KCNQ5: variants seen among roughly 807,000 people sequenced by gnomAD.
The protein encoded by KCNQ5 is potassium voltage-gated channel subfamily Q member 5.
KCNQ5 carries 30 observed loss-of-function variants against 98.2 expected under a neutral mutation model. The observed-to-expected ratio is 0.31, with a 90% confidence interval of 0.23 to 0.41. KCNQ5 has a LOEUF of 0.41. Among genes scored for constraint, KCNQ5 ranks in the 10% least tolerant of loss-of-function variants. The pLI, the probability that KCNQ5 is intolerant of heterozygous loss-of-function variation, is 1.00. For synonymous variants in KCNQ5, 458 were observed against 449.4 expected (o/e 1.02, Z -0.24); for missense variants, 835 against 1,182.5 (o/e 0.71, Z 4.31).
chr6:72,907,871 A>T (rs949838930), intron 1 of KCNQ5, among the ~76,000 whole-genome samples: 6 of 152,088 alleles, frequency 3.9e-5, no homozygotes, highest in African/African-American at 1.4e-4. Context: ...CACTTAAAAG[A>T]TGTAATGTTC....
At chr6:72,653,286 C>G (rs961300639) in intron 1 of KCNQ5, among the ~76,000 whole-genome samples, 1 of 151,764 alleles carries the variant, frequency 6.6e-6, no homozygotes, top group African/African-American at 2.4e-5. Flanking sequence ...TCTTTCTTTC[C>G]TGAGTGCTTC....
chr6:73,190,526 A>G lies in KCNQ5; in HGVS notation c.1578-47A>G, dbSNP rs200575679. ...TACTGGTAAACTATTTTGGTAACTT[A>G]TATTAACAGAGTTATAAAGATTAAT... On this transcript the variant is annotated intron_variant, in intron 11 of 13. Transcript: ENST00000370398. 3.1e-4 allele frequency: 317 copies of G among 1,018,366 alleles called. No homozygotes were observed. The African/African-American group carries it at 4.5e-3, about 15-fold the overall frequency. The allele number at this position is 1,018,366 out of a possible 1,614,324, so 63.1% of individuals were successfully genotyped here. A position where few individuals can be genotyped will look rare whatever the true frequency, so the allele number is the denominator to read the frequency against.
At chr6:72,840,325 G>A (rs1776734308) in intron 1 of KCNQ5, among the ~76,000 whole-genome samples, 1 of 152,152 alleles carries the variant, frequency 6.6e-6, no homozygotes, top group African/African-American at 2.4e-5. Flanking sequence ...GTATTTTAAA[G>A]ATCCTCCATA....
At chr6:73,056,816 A>G (rs938882657) in intron 3 of KCNQ5, among the ~76,000 whole-genome samples, 2 of 152,220 alleles carry the variant, frequency 1.3e-5, no homozygotes, top group Non-Finnish European at 2.9e-5. Context: ...ATCATTAAAA[A>G]GTCAGGAAAC....
At chr6:72,633,757 A>G (rs892388776) in intron 1 of KCNQ5, among the ~76,000 whole-genome samples, 1 of 152,218 alleles carries the variant, frequency 6.6e-6, no homozygotes. Flanking sequence ...GATCTTCAAT[A>G]AGGCCAACAA....
chr6:72,904,685 AT>A (rs1401126752), intron 1 of KCNQ5, among the ~76,000 whole-genome samples: 1 of 152,204 alleles, frequency 6.6e-6, no homozygotes, highest in Non-Finnish European at 1.5e-5. Context: ...GAAGCTGAAG[AT>A]TGGGCCCCAA....
intron 1 of KCNQ5, among the ~76,000 whole-genome samples, chr6:72,726,914 T>C (rs946984039): frequency 1.3e-5 from 2 of 152,172 alleles, no homozygotes; most frequent in African/African-American, 2.4e-5. Context: ...TGATCAAAGC[T>C]CACTGCAGCC....
chr6:72,640,334 CAA>C (rs71689978), intron 1 of KCNQ5, among the ~76,000 whole-genome samples: 8 of 119,188 alleles, frequency 6.7e-5, no homozygotes, highest in Admixed American at 1.7e-4. Flanking sequence ...AATTGCTGGG[CAA>C]AAAAAAAAAA....
intron 1 of KCNQ5, among the ~76,000 whole-genome samples, chr6:72,963,868 T>G (rs1202213140): frequency 6.6e-6 from 1 of 152,168 alleles, no homozygotes; most frequent in Non-Finnish European, 1.5e-5. Flanking sequence ...TTCACCATGT[T>G]GACCAGCCTG....
chr6:72,623,481 A>C (rs1333630232), intron 1 of KCNQ5, among the ~76,000 whole-genome samples: 1 of 151,624 alleles, frequency 6.6e-6, no homozygotes, highest in Non-Finnish European at 1.5e-5. Context: ...GATTGGAAGC[A>C]AATGTTTATT....
intron 1 of KCNQ5, among the ~76,000 whole-genome samples, chr6:72,956,557 T>A (rs1205320700): frequency 2.7e-5 from 4 of 150,214 alleles, no homozygotes; most frequent in Non-Finnish European, 5.9e-5. Flanking sequence ...TTATTTTTTT[T>A]ATTTTTTTAT....
intron 1 of KCNQ5, among the ~76,000 whole-genome samples, chr6:72,834,224 A>G (rs1776409131): frequency 6.6e-6 from 1 of 152,126 alleles, no homozygotes; most frequent in Non-Finnish European, 1.5e-5. Context: ...AAGACTTAAA[A>G]AAGAAAAAAA....
chr6:72,986,939 C>T, intron 1 of KCNQ5: 1 of 849,144 alleles, frequency 1.2e-6, no homozygotes, highest in Non-Finnish European at 1.9e-6. Flanking sequence ...AGCCTTGGGG[C>T]AGATAACGGA....
rs75884466 is a variant in KCNQ5, at chr6:73,083,608, T to A, written c.918+5721T>A. Among the ~76,000 whole-genome samples the A allele has an allele frequency of 3.8e-3, 581 of 152,358 alleles. 6 individuals carry two copies. Among genetic ancestry groups the A allele is most frequent in the African/African-American group, 0.014 (569 of 41,592 alleles). On this transcript the variant is annotated intron_variant, in intron 5 of 13. Transcript: ENST00000370398. ...CACATTCTTCATCAAGAATATTACA[T>A]TTATGTGCTTTAGGCTAAAATAAAA...
rs35159235 is a variant in KCNQ5, at chr6:72,917,428, GC to G, written c.399-86473del. 3.7e-3 allele frequency among the ~76,000 whole-genome samples: 564 copies of G among 151,372 alleles called. 4 individuals carry two copies. Among genetic ancestry groups the G allele is most frequent in the East Asian group, 0.02 (103 of 5,166 alleles). ...GGAACAGATTCTGGGGGATTTAGGAGCCCCCCCACCATTTTTTTATTTTTAT... is the reference window on the plus strand; with the variant it reads ...GGAACAGATTCTGGGGGATTTAGGAGCCCCCCACCATTTTTTTATTTTTAT... On this transcript the variant is annotated intron_variant, in intron 1 of 13. Transcript: ENST00000370398.
chr6:72,765,561 A>G (rs1772525656), intron 1 of KCNQ5, among the ~76,000 whole-genome samples: 1 of 152,012 alleles, frequency 6.6e-6, no homozygotes, highest in East Asian at 1.9e-4. Flanking sequence ...GATATTATCA[A>G]AAAAGGTCCT....
chr6:72,965,973 G>A (rs370409241), intron 1 of KCNQ5, among the ~76,000 whole-genome samples: 17 of 152,302 alleles, frequency 1.1e-4, no homozygotes, highest in African/African-American at 4.1e-4. Context: ...CAGTCCCAGG[G>A]AGGTTAAAGT....
At chr6:72,636,924 A>G (rs531044564) in intron 1 of KCNQ5, among the ~76,000 whole-genome samples, 18 of 152,352 alleles carry the variant, frequency 1.2e-4, no homozygotes, top group Admixed American at 7.2e-4. Flanking sequence ...CACCATGTAC[A>G]GAACTGCTGA....
At chr6:72,998,501 C>A (rs189928238) in intron 1 of KCNQ5, among the ~76,000 whole-genome samples, 3 of 151,952 alleles carry the variant, frequency 2.0e-5, no homozygotes, top group Non-Finnish European at 2.9e-5. Context: ...TTTGGGAGGC[C>A]GATGCGGGCG....
Sources: gnomAD v4.1 joint callset for allele counts (sites outside exome capture counted in the v4.1 genomes callset) on GRCh38, gnomAD v4.1.1 for gene constraint, MANE v1.5 for transcripts, NCBI Gene and HGNC (gene_info 2026-07-23, HGNC 2026-07-21) for gene names.